Variants in SCAMP2 observed in about 807,000 individuals in gnomAD.
The protein encoded by SCAMP2 is secretory carrier membrane protein 2.
SCAMP2 carries 25 observed loss-of-function variants against 44.1 expected under a neutral mutation model. The ratio of observed to expected loss-of-function variants is 0.57; its 90% CI spans 0.41 to 0.79. SCAMP2 has a LOEUF of 0.79. Ranked by LOEUF, SCAMP2 falls within the 30% of genes least tolerant of loss-of-function variation. The probability of loss-of-function intolerance (pLI) is 0.00; values close to 1 mark genes in which losing one functional copy is unlikely to be tolerated. For missense variants in SCAMP2, 355 were observed against 411.0 expected (o/e 0.86, Z 1.18); for synonymous variants, 156 against 166.0 (o/e 0.94, Z 0.46).
intron 1 of SCAMP2, among the ~76,000 whole-genome samples, chr15:74,872,426 A>G (rs2064583217): frequency 6.6e-6 from 1 of 152,068 alleles, no homozygotes; most frequent in Non-Finnish European, 1.5e-5. Context: ...AAAAAAAAAA[A>G]AAGTCAGGCC....
Position 74,851,465 on chromosome 15 carries a change from C to G in SCAMP2, c.360G>C (p.Trp120Cys). The change falls in exon 5 of 9, where the codon TGG becomes TGC. Residue 120 changes from tryptophan to cysteine, a missense_variant. Transcript: ENST00000268099. ...VANLHVRQNN[W>C]PPLPSWCPVK... The stretch of plus-strand genomic sequence containing the variant: ...CAGGGCACCACGAGGGCAGAGGGGG[C>G]CAGTTGTTCTGTCTCACTGGGTAGG... The G allele has an allele frequency of 3.7e-6, 6 of 1,613,844 alleles. No individual in the cohort carries two copies. The highest frequency in any genetic ancestry group is 2.5e-6 in the Non-Finnish European group (3 of 1,179,804).
chr15:74,851,799 T>C (rs2064437088), intron 4 of SCAMP2: 5 of 452,022 alleles, frequency 1.1e-5, no homozygotes, highest in East Asian at 1.0e-4. Flanking sequence ...TAGCAAGGAA[T>C]TGTGGGACCA....
intron 7 of SCAMP2, among the ~76,000 whole-genome samples, chr15:74,846,848 C>A (rs138488577): frequency 3.2e-4 from 48 of 152,290 alleles, no homozygotes; most frequent in South Asian, 6.2e-4. Context: ...TGGCTGCTCA[C>A]TCCTGAGGAC....
rs938334079 is a variant in SCAMP2, at chr15:74,850,627, C to G, written c.519G>C (p.Trp173Cys). The G allele has an allele frequency of 1.9e-6, 3 of 1,614,022 alleles. No individual in the cohort carries two copies. The highest frequency in any genetic ancestry group is 1.3e-5 in the African/African-American group (1 of 74,916). Residue 173 changes from tryptophan to cysteine, a missense_variant, in exon 6 of 9, where the codon TGG (tryptophan) becomes TGC (cysteine). Physicochemically the swap from Trp to Cys is radical, Grantham distance 215. Transcript: ENST00000268099. ...LFLNLLACLAWFSGNSSKGVD... is the reference protein window; with the variant it reads ...LFLNLLACLACFSGNSSKGVD... The stretch of plus-strand genomic sequence containing the variant: ...CTCCCTTGGAGCTGTTGCCCGAGAA[C>G]CAGGCCAGGCAGGCAAGCAGGTTCA...
At chr15:74,858,602 C>G (rs2064481900) in intron 1 of SCAMP2, among the ~76,000 whole-genome samples, 1 of 151,968 alleles carries the variant, frequency 6.6e-6, no homozygotes, top group African/African-American at 2.4e-5. Context: ...GTGGCTCAGC[C>G]AGATTTTCAA....
chr15:74,843,743 TTTTTA>T lies in SCAMP2; in HGVS notation c.*1335_*1339del, dbSNP rs1394155111. On this transcript the variant is annotated 3_prime_UTR_variant, in exon 9 of 9. Coordinates refer to ENST00000268099, the MANE Select transcript of SCAMP2 (RefSeq NM_005697.5). ...TGTGGACCCGTGTTGTCTGAAAATG[TTTTTA>T]TTTTTACTTAAGCACAAAAATTGAG... 3 of 152,208 alleles carry T rather than the reference TTTTTA, an allele frequency of 2.0e-5. No individual in the cohort carries two copies. Among genetic ancestry groups the T allele is most frequent in the Non-Finnish European group, 2.9e-5 (2 of 68,036 alleles). The allele number at this position is 152,208 out of a possible 1,614,324, so 9.4% of individuals were successfully genotyped here. A position where few individuals can be genotyped will look rare whatever the true frequency, so the allele number is the denominator to read the frequency against.
At chr15:74,860,739 G>C (rs970534214) in intron 1 of SCAMP2, among the ~76,000 whole-genome samples, 1 of 147,580 alleles carries the variant, frequency 6.8e-6, no homozygotes, top group African/African-American at 2.5e-5. Context: ...TGTAGTCCCA[G>C]CTACTTGGGA....
At chr15:74,867,814 C>A (rs1417591700) in intron 1 of SCAMP2, among the ~76,000 whole-genome samples, 1 of 152,258 alleles carries the variant, frequency 6.6e-6, no homozygotes, top group Non-Finnish European at 1.5e-5. Context: ...TGGCAACTTA[C>A]AAACACTGAA....
At chr15:74,857,255 A>T (rs1183682921) in intron 1 of SCAMP2, among the ~76,000 whole-genome samples, 1 of 152,132 alleles carries the variant, frequency 6.6e-6, no homozygotes, top group African/African-American at 2.4e-5. Context: ...CTTCCTGCTG[A>T]ACACCACCTC....
rs561124420 is a variant in SCAMP2 at position 74,845,089 on chromosome 15, C to G, written c.984G>C (p.Gly328=). The G allele has an allele frequency of 2.0e-5, 33 of 1,613,404 alleles. No individual in the cohort carries two copies. The South Asian group carries it at 3.6e-4, about 18-fold the overall frequency. ...GGGAGAGAAGAGAGGAGGACTAATT[C>G]CCCTGGAAGGCTCCTTGGGCAGCAG... ...ASSAAQGAFQ[G]N is the part of the protein sequence containing the mutation. The change falls in exon 9 of 9, where the codon GGG becomes GGC. Residue 328 remains glycine, a synonymous_variant. Transcript: ENST00000268099.
chr15:74,872,327 T>C (rs1230278467), intron 1 of SCAMP2, among the ~76,000 whole-genome samples: 3 of 150,992 alleles, frequency 2.0e-5, no homozygotes, highest in Admixed American at 6.6e-5. Flanking sequence ...GCAGGAGAAT[T>C]GCTTGAACTC....
intron 1 of SCAMP2, among the ~76,000 whole-genome samples, chr15:74,859,672 A>G (rs546412842): frequency 1.1e-3 from 163 of 144,454 alleles, no homozygotes; most frequent in Admixed American, 1.7e-3. Context: ...GCTGGAGTGC[A>G]GTGGCGCAAT....
intron 1 of SCAMP2, among the ~76,000 whole-genome samples, chr15:74,856,350 C>CT (rs555949525): frequency 1.1e-3 from 151 of 143,780 alleles, no homozygotes; most frequent in Non-Finnish European, 2.0e-3. Flanking sequence ...TCTCCACTCA[C>CT]TGCAGCCTCC....
intron 1 of SCAMP2, among the ~76,000 whole-genome samples, chr15:74,870,998 T>G (rs2141184016): frequency 6.6e-6 from 1 of 152,270 alleles, no homozygotes; most frequent in East Asian, 1.9e-4. Flanking sequence ...GAGCAGAATA[T>G]CAGGGCTCAT....
At chr15:74,848,477 A>G (rs1391768958) in intron 7 of SCAMP2, 123 bp downstream of exon 7, 5 of 633,872 alleles carry the variant, frequency 7.9e-6, no homozygotes, top group Non-Finnish European at 1.4e-5. Context: ...TGGCCCACTC[A>G]CCCACTCCCC....
intron 7 of SCAMP2, 71 bp from the exon 8 acceptor site, chr15:74,845,664 T>A: frequency 6.3e-7 from 1 of 1,580,660 alleles, no homozygotes; most frequent in Non-Finnish European, 8.7e-7. Context: ...AAGGGGCTCT[T>A]CTCCAAGTGG....
At chr15:74,853,995 A>C (rs894626284) in intron 3 of SCAMP2, 26 bp downstream of exon 3, 1 of 1,582,818 alleles carries the variant, frequency 6.3e-7, no homozygotes, top group Non-Finnish European at 8.7e-7. Context: ...TGGAGAGAAA[A>C]GGCCAGAGTT....
At chr15:74,867,797 T>A (rs2064552905) in intron 1 of SCAMP2, among the ~76,000 whole-genome samples, 1 of 152,258 alleles carries the variant, frequency 6.6e-6, no homozygotes, top group Non-Finnish European at 1.5e-5. Flanking sequence ...AGTGATATTG[T>A]GTGACTTGGC....
rs1237689107 is a variant in SCAMP2 at position 74,845,201 on chromosome 15, C to T, written c.872G>A (p.Arg291Gln). The part of the protein sequence containing the change: ...FLLQRVHSLY[R>Q]RTGASFQQAQ... ...CTGCTGGAAGCTGGCCCCTGTCCGT[C>T]GGTAGAGGGAGTGCACCTGGCGAAG... is the stretch of plus-strand genomic sequence containing the variant. The change falls in exon 9 of 9, where the codon CGA (arginine) becomes CAA (glutamine). Residue 291 changes from arginine (R) to glutamine (Q), a missense_variant. Arg to Gln is a conservative substitution (Grantham distance 43). Transcript: ENST00000268099. The T allele has an allele frequency of 4.3e-6, 7 of 1,613,136 alleles. No homozygotes were observed. Among genetic ancestry groups the T allele is most frequent in the Non-Finnish European group, 5.9e-6 (7 of 1,179,990 alleles).
Sources: gnomAD v4.1 joint callset for allele counts (sites outside exome capture counted in the v4.1 genomes callset) on GRCh38, gnomAD v4.1.1 for gene constraint, MANE v1.5 for transcripts, NCBI Gene and HGNC (gene_info 2026-07-23, HGNC 2026-07-21) for gene names.